Variants in RABGAP1L observed in about 807,000 individuals in gnomAD.
RABGAP1L encodes the protein rab GTPase-activating protein 1-like.
RABGAP1L carries 63 observed loss-of-function variants against 137.7 expected under a neutral mutation model. That is an observed-to-expected ratio of 0.46 (90% CI 0.37 to 0.56). The LOEUF is 0.56. RABGAP1L is among the 20% of genes least tolerant of loss of function. RABGAP1L has a pLI of 0.00. For synonymous variants in RABGAP1L, 431 were observed against 433.7 expected, an observed-to-expected ratio of 0.99 and a Z score of 0.08; for missense variants, 1,095 against 1,244.0, an observed-to-expected ratio of 0.88 and a Z score of 1.80.
intron 19 of RABGAP1L, among the ~76,000 whole-genome samples, chr1:174,927,789 G>C (rs989474869): frequency 6.6e-6 from 1 of 152,080 alleles, no homozygotes; most frequent in Non-Finnish European, 1.5e-5. Context: ...ATGTAAATTT[G>C]AACCCCTCTA....
chr1:174,376,346 T>G (rs894812202), intron 12 of RABGAP1L, among the ~76,000 whole-genome samples: 1 of 147,202 alleles, frequency 6.8e-6, no homozygotes, highest in African/African-American at 2.5e-5. Context: ...TTATGTCATT[T>G]GCTTACCATG....
intron 23 of RABGAP1L, among the ~76,000 whole-genome samples, chr1:174,981,111 T>C (rs1574069565): frequency 6.6e-6 from 1 of 152,140 alleles, no homozygotes; most frequent in Non-Finnish European, 1.5e-5. Context: ...ACTCTTCAAA[T>C]AGTAATCCTG....
intron 3 of RABGAP1L, among the ~76,000 whole-genome samples, chr1:174,229,748 G>A (rs1670477626): frequency 6.6e-6 from 1 of 152,158 alleles, no homozygotes; most frequent in African/African-American, 2.4e-5. Flanking sequence ...TGTCTTTATA[G>A]CAGCATGATT....
chr1:174,648,969 T>C (rs1675223712), intron 14 of RABGAP1L, among the ~76,000 whole-genome samples: 1 of 152,104 alleles, frequency 6.6e-6, no homozygotes, highest in Admixed American at 6.6e-5. Context: ...CATCTTTGAC[T>C]TTTTTGATCT....
At chr1:174,747,991 G>T (rs1684020062) in intron 17 of RABGAP1L, among the ~76,000 whole-genome samples, 2 of 151,570 alleles carry the variant, frequency 1.3e-5, no homozygotes, top group Non-Finnish European at 2.9e-5. Context: ...CTTGTAGTTT[G>T]CTACTTGTAA....
At chr1:174,384,685 C>G (rs1375403579) in intron 12 of RABGAP1L, among the ~76,000 whole-genome samples, 2 of 152,132 alleles carry the variant, frequency 1.3e-5, no homozygotes, top group African/African-American at 2.4e-5. Context: ...ACTAACTTCT[C>G]TCTTCTTATC....
intron 24 of RABGAP1L, among the ~76,000 whole-genome samples, chr1:174,987,474 G>T (rs941251978): frequency 2.0e-5 from 3 of 152,118 alleles, no homozygotes; most frequent in Admixed American, 2.0e-4. Context: ...CCAAGAGGAA[G>T]AAATTAATGG....
Position 174,259,301 on chromosome 1 carries a change from T to A in RABGAP1L, c.986+6711T>A, listed in dbSNP as rs188055202. ...AATACAGAGCTTTATACTTAGCTAC[T>A]TACTCCTTACTTAGCACTTTCTCAG... On this transcript the variant is annotated intron_variant, in intron 7 of 25. Transcript: ENST00000681986. Among the ~76,000 whole-genome samples, 789 of 152,292 alleles carry A rather than the reference T, an allele frequency of 5.2e-3. 5 individuals are homozygous for A. The highest frequency in any genetic ancestry group is 8.9e-3 in the Non-Finnish European group (607 of 68,028).
chr1:174,677,329 T>A (rs2148464195), intron 14 of RABGAP1L, among the ~76,000 whole-genome samples: 1 of 152,222 alleles, frequency 6.6e-6, no homozygotes, highest in East Asian at 1.9e-4. Context: ...TACATATTCA[T>A]TTGCTTTTAG....
chr1:174,544,995 T>C (rs1426633828), intron 13 of RABGAP1L: 1 of 155,202 alleles, frequency 6.4e-6, no homozygotes, highest in Non-Finnish European at 1.4e-5. Flanking sequence ...CCTGGCTGTA[T>C]GAGGTGTCGG....
At chr1:174,826,232 CT>C (rs1333213963) in intron 19 of RABGAP1L, among the ~76,000 whole-genome samples, 2 of 152,100 alleles carry the variant, frequency 1.3e-5, no homozygotes, top group Admixed American at 1.3e-4. Flanking sequence ...TTTCAGTTTT[CT>C]TTTTTTCTTT....
intron 13 of RABGAP1L, among the ~76,000 whole-genome samples, chr1:174,590,221 T>A (rs551374647): frequency 2.5e-4 from 37 of 145,480 alleles, no homozygotes; most frequent in Non-Finnish European, 5.2e-4. Flanking sequence ...CAATTTAAAA[T>A]GGACTAATAC....
At chr1:174,239,979 T>C (rs1671652179) in intron 4 of RABGAP1L, among the ~76,000 whole-genome samples, 3 of 152,238 alleles carry the variant, frequency 2.0e-5, no homozygotes, top group African/African-American at 7.2e-5. Context: ...GGAAAGGGTT[T>C]GCATGTATAT....
intron 11 of RABGAP1L, among the ~76,000 whole-genome samples, chr1:174,337,621 C>T (rs373840197): frequency 6.6e-6 from 1 of 152,058 alleles, no homozygotes; most frequent in Non-Finnish European, 1.5e-5. Flanking sequence ...CAGAGAAGAA[C>T]CTGTGATATG....
At position 174,941,795 on chromosome 1, in the gene RABGAP1L, CTA is replaced by C. The variant is rs1331753597; in HGVS notation, c.2341-15660_2341-15659del. Among the ~76,000 whole-genome samples, 45 of 152,214 alleles carry C rather than the reference CTA, an allele frequency of 3.0e-4. 1 individual carries two copies. Among genetic ancestry groups the C allele is most frequent in the Admixed American group, 2.8e-3 (43 of 15,272 alleles). The stretch of plus-strand genomic sequence containing the variant: ...TTACATGCTATCTCTTCCTTAAAGT[CTA>C]TCCTAAATTTCCTGATGGATTTGTG... On this transcript the variant is annotated intron_variant, in intron 19 of 25. Transcript: ENST00000681986.
intron 13 of RABGAP1L, among the ~76,000 whole-genome samples, chr1:174,578,965 A>G (rs1572386708): frequency 6.6e-6 from 1 of 152,146 alleles, no homozygotes. Flanking sequence ...AGACTTTCCA[A>G]TAATAGCTAT....
chr1:174,622,009 A>G (rs899194672), intron 13 of RABGAP1L, among the ~76,000 whole-genome samples: 24 of 142,614 alleles, frequency 1.7e-4, no homozygotes, highest in African/African-American at 6.6e-4. Flanking sequence ...ATCTACAAAC[A>G]AAAAGCAAAC....
At chr1:174,685,382 A>G (rs967089472) in intron 15 of RABGAP1L, among the ~76,000 whole-genome samples, 2 of 151,698 alleles carry the variant, frequency 1.3e-5, no homozygotes, top group East Asian at 1.9e-4. Context: ...CCTTCCCAGT[A>G]GCTGGGACTA....
intron 11 of RABGAP1L, among the ~76,000 whole-genome samples, chr1:174,358,169 A>G (rs1683803252): frequency 6.6e-6 from 1 of 152,148 alleles, no homozygotes; most frequent in Admixed American, 6.5e-5. Context: ...TTTCCAGTGA[A>G]CAGTTTGCAA....
Sources: allele counts gnomAD v4.1 joint callset (sites outside exome capture counted in the v4.1 genomes callset), GRCh38; gene constraint gnomAD v4.1.1; transcripts MANE v1.5; gene names NCBI Gene and HGNC (gene_info 2026-07-23, HGNC 2026-07-21).